The following APOB variants were observed in gnomAD, a reference collection of about 807,000 sequenced individuals.
APOB encodes apolipoprotein B.
In APOB, 153 loss-of-function variants were observed where a neutral mutation model predicts 314.1. That is an observed-to-expected ratio of 0.49 (90% CI 0.43 to 0.56). APOB has a LOEUF of 0.56. Ranked by LOEUF, APOB falls within the 20% of genes least tolerant of loss-of-function variation. The pLI, the probability that APOB is intolerant of heterozygous loss-of-function variation, is 0.00. For synonymous variants in APOB, 2,087 were observed against 2,036.4 expected (o/e 1.02, Z -0.67); for missense variants, 5,430 against 5,350.7 (o/e 1.01, Z -0.46).
At chr2:21,039,396 C>T (rs1490690597) in intron 4 of APOB, among the ~76,000 whole-genome samples, 1 of 152,210 alleles carries the variant, frequency 6.6e-6, no homozygotes, top group Non-Finnish European at 1.5e-5. Flanking sequence ...TGGTGTCAGG[C>T]CATGGCTGAA....
intron 23 of APOB, 91 bp from the exon 24 acceptor site, chr2:21,014,684 T>A: frequency 7.4e-7 from 1 of 1,359,864 alleles, no homozygotes; most frequent in Non-Finnish European, 1.0e-6. Context: ...TTTGACAAGT[T>A]AATTATTAAG....
rs1662978585 is a variant in APOB at position 21,001,631 on chromosome 2, C to T, written c.*99G>A. 8.2e-7 allele frequency: 1 copy of T among 1,217,580 alleles called. No individual in the cohort carries two copies. Among genetic ancestry groups the T allele is most frequent in the African/African-American group, 1.5e-5 (1 of 65,848 alleles). The allele number at this position is 1,217,580 out of a possible 1,614,324, so 75.4% of individuals were successfully genotyped here. ...TCTACTGCCTACTGCAAGGCTGGCT[C>T]ACTGTATGGTTTTATCAATATAGGC... On this transcript the variant is annotated 3_prime_UTR_variant, in exon 29 of 29. Coordinates refer to ENST00000233242, the MANE Select transcript of APOB (RefSeq NM_000384.3).
rs60811793 is a variant in APOB at position 21,016,986 on chromosome 2, A to AAAAT, written c.3122-341_3122-338dup. The stretch of plus-strand genomic sequence containing the variant: ...GCAAAAGAGCGAGACTCCATCTCAA[A>AAAAT]AAATAAATAAATAAATAAATAAATA... On this transcript the variant is annotated intron_variant, in intron 20 of 28. Coordinates refer to ENST00000233242, the MANE Select transcript of APOB (RefSeq NM_000384.3). Among the ~76,000 whole-genome samples, 205 of 120,346 alleles carry AAAAT rather than the reference A, an allele frequency of 1.7e-3. 1 individual carries two copies. Among genetic ancestry groups the AAAAT allele is most frequent in the East Asian group, 5.5e-3 (28 of 5,078 alleles). 79.0% of individuals were successfully genotyped at this position (120,346 alleles called of 152,430 possible).
Position 21,033,283 on chromosome 2 carries a change from T to C in APOB, c.1124+16A>G, listed in dbSNP as rs775648637. 7 of 1,604,266 alleles carry C rather than the reference T, an allele frequency of 4.4e-6. No homozygotes were observed. The South Asian group carries it at 5.5e-5, about 13-fold the overall frequency. ...CCATCAGTTTTATAAAAAGTTGAGC[T>C]GTAACCATTAGATACCTGGACACCT... On this transcript the variant is annotated intron_variant, in intron 9 of 28. Transcript: ENST00000233242.
chr2:21,016,334 G>C, intron 21 of APOB, 105 bp downstream of exon 21: 1 of 709,942 alleles, frequency 1.4e-6, no homozygotes, highest in South Asian at 1.6e-5. Flanking sequence ...TCTGATTGTA[G>C]ACTAGGGGAG....
intron 10 of APOB, 82 bp downstream of exon 10, chr2:21,032,272 G>C: frequency 1.6e-6 from 2 of 1,234,100 alleles, no homozygotes; most frequent in East Asian, 2.3e-5. Context: ...TGGAAGGAGG[G>C]GTTCAGTTTT....
rs763075458 is a variant in APOB, at chr2:21,032,488, A to G, written c.1218T>C (p.Leu406=). Residue 406 remains leucine, a synonymous_variant, in exon 10 of 29, where the codon CTT becomes CTC. Coordinates refer to ENST00000233242, the MANE Select transcript of APOB (RefSeq NM_000384.3). ...CCAGGTAGGTGACCACATCTATCAG[A>G]AGGGGGTTGGCATGCACACGTTTCA... is the stretch of plus-strand genomic sequence containing the variant. ...QWLKRVHANP[L]LIDVVTYLVA... 2 of 1,614,140 alleles carry G rather than the reference A, an allele frequency of 1.2e-6. No homozygotes were observed. Among genetic ancestry groups the G allele is most frequent in the Admixed American group, 3.3e-5 (2 of 60,016 alleles).
At chr2:21,016,994 T>A (rs150856817) in intron 20 of APOB, among the ~76,000 whole-genome samples, 23,771 of 127,358 alleles carry the variant, frequency 0.19, 2,640 homozygotes, top group African/African-American at 0.35. Flanking sequence ...AAAAAATAAA[T>A]AAATAAATAA....
Position 21,042,456 on chromosome 2 carries a change from G to A in APOB, c.142C>T (p.His48Tyr), listed in dbSNP as rs1664155527. ...TAGTTGTATGTGTACTTCCGGAGGTGCTTGAATCGGGTCGCATCTTCTAAC... is the reference window on the plus strand; with the variant it reads ...TAGTTGTATGTGTACTTCCGGAGGTACTTGAATCGGGTCGCATCTTCTAAC... Reference protein sequence around the residue: ...VCPKDATRFKHLRKYTYNYEA... With the variant: ...VCPKDATRFKYLRKYTYNYEA... Residue 48 changes from histidine (H) to tyrosine (Y), a missense_variant, in exon 3 of 29, where the codon CAC becomes TAC. Coordinates refer to ENST00000233242, the MANE Select transcript of APOB (RefSeq NM_000384.3). The A allele has an allele frequency of 1.2e-6, 2 of 1,614,006 alleles. No individual in the cohort carries two copies. Among genetic ancestry groups the A allele is most frequent in the Admixed American group, 1.7e-5 (1 of 59,998 alleles).
At position 21,003,340 on chromosome 2, in the gene APOB, CAGAG is replaced by C; in HGVS notation, c.12088-10_12088-7del. The C allele has an allele frequency of 4.4e-6, 7 of 1,596,760 alleles. No individual in the cohort carries two copies. The highest frequency in any genetic ancestry group is 6.0e-6 in the Non-Finnish European group (7 of 1,172,666). Reference sequence around the variant, plus strand: ...AGTTTTTTATCTGGAGAGGACTAAACAGAGAGAAAAAAAAAAATAACATGTTTTC... The same window carrying C: ...AGTTTTTTATCTGGAGAGGACTAAACAGAAAAAAAAAAATAACATGTTTTC... On this transcript the variant is annotated splice_region_variant and splice_polypyrimidine_tract_variant and intron_variant, in intron 28 of 28. Coordinates refer to ENST00000233242, the MANE Select transcript of APOB (RefSeq NM_000384.3).
rs752262589 is a variant in APOB at position 21,005,503 on chromosome 2, C to T, written c.11365G>A (p.Val3789Ile). The T allele has an allele frequency of 6.2e-7, 1 of 1,613,984 alleles. No homozygotes were observed. The highest frequency in any genetic ancestry group is 8.5e-7 in the Non-Finnish European group (1 of 1,179,950). The change falls in exon 26 of 29, where the codon GTA (valine) becomes ATA (isoleucine). Residue 3789 changes from valine (V) to isoleucine (I), a missense_variant. By Grantham distance (29) the Val-to-Ile change is conservative. Transcript: ENST00000233242. Reference sequence around the variant, plus strand: ...AACACATCAACTTCAGGGAATTTTACCTCGGGGAGTGTTGGTAGGTTGAGG... The same window carrying T: ...AACACATCAACTTCAGGGAATTTTATCTCGGGGAGTGTTGGTAGGTTGAGG... ...FALNLPTLPE[V>I]KFPEVDVLTK...
intron 9 of APOB, 90 bp downstream of exon 9, chr2:21,033,209 G>T (rs896945497): frequency 3.2e-6 from 3 of 945,444 alleles, no homozygotes; most frequent in African/African-American, 1.6e-5. Context: ...ATATCCAAAT[G>T]GTCCCTGAGA....
Position 21,035,608 on chromosome 2 carries a change from T to C in APOB, c.794A>G (p.His265Arg). 1 of 1,613,962 alleles carries C rather than the reference T, an allele frequency of 6.2e-7. No homozygotes were observed. Among genetic ancestry groups the C allele is most frequent in the Non-Finnish European group, 8.5e-7 (1 of 1,179,996 alleles). Residue 265 changes from histidine (H) to arginine (R), a missense_variant, in exon 7 of 29, where the codon CAC (histidine) becomes CGC (arginine). Coordinates refer to ENST00000233242, the MANE Select transcript of APOB (RefSeq NM_000384.3). ...CTTGTAGGAGAAAGGCAGGAAGAGG[T>C]GTTGCTCCTTGCAGATGGCTTCTGC... ...HVAEAICKEQ[H>R]LFLPFSYKNK... is the part of the protein sequence containing the mutation.
intron 8 of APOB, among the ~76,000 whole-genome samples, chr2:21,034,409 G>A (rs1663952671): frequency 1.3e-5 from 2 of 152,186 alleles, no homozygotes; most frequent in Admixed American, 6.5e-5. Flanking sequence ...GGTAAGGGTT[G>A]GACTTGAGAT....
chr2:21,030,151 T>G, intron 10 of APOB, 136 bp from the exon 11 acceptor site: 1 of 671,588 alleles, frequency 1.5e-6, no homozygotes, highest in Non-Finnish European at 2.6e-6. Context: ...TGAAGCAATT[T>G]TAAGCAAAAA....
Position 21,002,852 on chromosome 2 carries a change from A to T in APOB, c.12570T>A (p.Ile4190=). 1.9e-6 allele frequency: 3 copies of T among 1,613,522 alleles called. No homozygotes were observed. Among genetic ancestry groups the T allele is most frequent in the Non-Finnish European group, 2.5e-6 (3 of 1,179,804 alleles). ...AGTTCAGAAAATCAATGAGTGAGTC[A>T]ATCAGATGCTTGACTTTCATATGGA... ...QEFHMKVKHL[I]DSLIDFLNFP... Residue 4190 remains isoleucine (I), a synonymous_variant, in exon 29 of 29, where the codon ATT becomes ATA. Coordinates refer to ENST00000233242, the MANE Select transcript of APOB (RefSeq NM_000384.3).
In APOB at chr2:21,010,145, AC is replaced by A. The variant is rs1223533722; in HGVS notation, c.6722del (p.Ser2241MetfsTer36). 1 of 1,605,384 alleles carries A rather than the reference AC, an allele frequency of 6.2e-7. No homozygotes were observed. The highest frequency in any genetic ancestry group is 8.5e-7 in the Non-Finnish European group (1 of 1,174,386). ...LFIENIDFNK[S>X]GSSTASWIQN... ...GAATCCAGGATGCAGTACTACTTCC[AC>A]TTTTGTTAAAATCAATATTTTCAAT... On this transcript the variant is annotated frameshift_variant, in exon 26 of 29. Coordinates refer to ENST00000233242, the MANE Select transcript of APOB (RefSeq NM_000384.3). LOFTEE classifies it high-confidence loss of function.
At position 21,001,789 on chromosome 2, in the gene APOB, T is replaced by A; in HGVS notation, c.13633A>T (p.Thr4545Ser). The change falls in exon 29 of 29, where the codon ACC (threonine) becomes TCC (serine). Residue 4545 changes from threonine to serine, a missense_variant. This residue lies in a region of APOB where 3,281 missense variants were observed against 3,171.0 expected (regional missense o/e 1.03). Transcript: ENST00000233242. ...TTCATGTAGGGGTTCATGACTGTGG[T>A]TGATTGCAGCTTTTTCAGTAACTCC... is the stretch of plus-strand genomic sequence containing the variant. ...ITELLKKLQS[T>S]TVMNPYMKLA... The A allele has an allele frequency of 6.2e-7, 1 of 1,614,080 alleles. No individual in the cohort carries two copies. Among genetic ancestry groups the A allele is most frequent in the Non-Finnish European group, 8.5e-7 (1 of 1,179,958 alleles).
chr2:21,029,756 C>T lies in APOB; in HGVS notation c.1500G>A (p.Glu500=). ...AAGACTTGAGTTCTGGAGTTAACTG[C>T]TCCATGGTTTGGCCCATATTTCCAA... ...RVIGNMGQTM[E]QLTPELKSSI... is the part of the protein sequence containing the mutation. Residue 500 remains glutamate, a synonymous_variant, in exon 12 of 29, where the codon GAG becomes GAA. Coordinates refer to ENST00000233242, the MANE Select transcript of APOB (RefSeq NM_000384.3). The T allele has an allele frequency of 6.2e-7, 1 of 1,614,154 alleles. No individual in the cohort carries two copies.
Sources: gnomAD v4.1 joint callset for allele counts (sites outside exome capture counted in the v4.1 genomes callset) on GRCh38, gnomAD v4.1.1 for gene constraint, gnomAD v4.1.1 regional missense constraint, MANE v1.5 for transcripts, NCBI Gene and HGNC (gene_info 2026-07-23, HGNC 2026-07-21) for gene names.